The following LRRC4C variants were observed in gnomAD, a reference collection of about 807,000 sequenced individuals.
LRRC4C encodes the protein leucine-rich repeat-containing protein 4C.
Under a neutral mutation model 33.6 loss-of-function variants are expected in LRRC4C, and 5 were observed. That is an observed-to-expected ratio of 0.15 (90% CI 0.08 to 0.31). LRRC4C has a LOEUF of 0.31. Ranked by LOEUF, LRRC4C falls within the 10% of genes least tolerant of loss-of-function variation. The pLI is 1.00. For missense variants in LRRC4C, 560 were observed against 796.7 expected, an observed-to-expected ratio of 0.70 and a Z score of 3.58; for synonymous variants, 329 against 302.0, an observed-to-expected ratio of 1.09 and a Z score of -0.93.
chr11:41,405,450 AG>A (rs1954196394), intron 1 of LRRC4C, among the ~76,000 whole-genome samples: 1 of 152,162 alleles, frequency 6.6e-6, no homozygotes, highest in Non-Finnish European at 1.5e-5. Context: ...CAATCTCTCC[AG>A]GTTACTAAAT....
intron 2 of LRRC4C, among the ~76,000 whole-genome samples, chr11:40,814,801 G>T (rs1951639909): frequency 6.6e-6 from 1 of 151,940 alleles, no homozygotes; most frequent in East Asian, 1.9e-4. Flanking sequence ...CATAGCAAAA[G>T]TGACATTTAC....
chr11:40,905,817 C>A (rs141145832), intron 2 of LRRC4C, among the ~76,000 whole-genome samples: 104 of 152,244 alleles, frequency 6.8e-4, no homozygotes, highest in African/African-American at 2.5e-3. Context: ...AGATGCTGTG[C>A]CTATTGTCCA....
At chr11:40,222,186 A>G (rs1040113905) in intron 5 of LRRC4C, among the ~76,000 whole-genome samples, 2 of 152,168 alleles carry the variant, frequency 1.3e-5, no homozygotes, top group African/African-American at 4.8e-5. Flanking sequence ...CAGGTGATGG[A>G]GCCCCCATGA....
At chr11:40,300,487 G>A (rs1944719588) in intron 4 of LRRC4C, among the ~76,000 whole-genome samples, 1 of 152,214 alleles carries the variant, frequency 6.6e-6, no homozygotes, top group Admixed American at 6.5e-5. Flanking sequence ...AGCTATGGTT[G>A]AAGTGATCAA....
intron 1 of LRRC4C, among the ~76,000 whole-genome samples, chr11:41,086,360 C>A (rs1036075548): frequency 6.6e-6 from 1 of 151,970 alleles, no homozygotes; most frequent in Non-Finnish European, 1.5e-5. Flanking sequence ...TGTTGTATAA[C>A]AAAAGCTGTT....
At chr11:40,915,125 G>A (rs1956888907) in intron 2 of LRRC4C, among the ~76,000 whole-genome samples, 2 of 152,150 alleles carry the variant, frequency 1.3e-5, no homozygotes, top group Non-Finnish European at 1.5e-5. Flanking sequence ...ACTGCCCAAG[G>A]TAATTTATAG....
At chr11:41,007,846 TTACAG>T (rs1854878291) in intron 1 of LRRC4C, among the ~76,000 whole-genome samples, 1 of 152,130 alleles carries the variant, frequency 6.6e-6, no homozygotes, top group Non-Finnish European at 1.5e-5. Flanking sequence ...AATACAGCTA[TTACAG>T]AATGCTTAGT....
chr11:40,530,584 T>C (rs1443824740), intron 3 of LRRC4C, among the ~76,000 whole-genome samples: 1 of 152,166 alleles, frequency 6.6e-6, no homozygotes, highest in East Asian at 1.9e-4. Context: ...TTATTATTGT[T>C]CTCAACTAGG....
intron 1 of LRRC4C, among the ~76,000 whole-genome samples, chr11:41,121,772 A>G (rs892762693): frequency 2.6e-5 from 4 of 152,186 alleles, no homozygotes; most frequent in African/African-American, 9.7e-5. Context: ...GACCCTGAGA[A>G]AAGGAGATGT....
intron 3 of LRRC4C, among the ~76,000 whole-genome samples, chr11:40,343,956 G>T (rs1294194155): frequency 6.6e-6 from 1 of 151,966 alleles, no homozygotes; most frequent in African/African-American, 2.4e-5. Flanking sequence ...CTTGGAAGAA[G>T]TTGAATCCCT....
At chr11:41,423,504 G>A (rs1436684716) in intron 1 of LRRC4C, among the ~76,000 whole-genome samples, 1 of 152,040 alleles carries the variant, frequency 6.6e-6, no homozygotes, top group Non-Finnish European at 1.5e-5. Context: ...TGTGGATGAT[G>A]GGGTGTCATT....
intron 3 of LRRC4C, among the ~76,000 whole-genome samples, chr11:40,367,454 G>C (rs957546526): frequency 6.6e-6 from 1 of 152,042 alleles, no homozygotes; most frequent in Non-Finnish European, 1.5e-5. Context: ...TGCTGCACTA[G>C]TATTTCTTGA....
intron 1 of LRRC4C, among the ~76,000 whole-genome samples, chr11:41,109,357 A>G (rs1220571124): frequency 4.6e-5 from 7 of 152,186 alleles, no homozygotes; most frequent in Admixed American, 3.9e-4. Flanking sequence ...TCACAAATCA[A>G]GCAGTTGATA....
At chr11:40,922,856 C>T (rs1957242350) in intron 2 of LRRC4C, among the ~76,000 whole-genome samples, 1 of 152,124 alleles carries the variant, frequency 6.6e-6, no homozygotes, top group Admixed American at 6.6e-5. Context: ...AGCAGAGTCT[C>T]ATTCTGTTGT....
chr11:40,611,901 G>T (rs2135889391), intron 3 of LRRC4C, among the ~76,000 whole-genome samples: 1 of 151,828 alleles, frequency 6.6e-6, no homozygotes, highest in African/African-American at 2.4e-5. Context: ...ATGAGAATGT[G>T]GAGAAATTGG....
intron 1 of LRRC4C, among the ~76,000 whole-genome samples, chr11:41,357,982 A>G (rs1446607480): frequency 2.0e-5 from 3 of 152,122 alleles, no homozygotes; most frequent in African/African-American, 7.2e-5. Context: ...TTAGAGGACC[A>G]ACCCTACACA....
At chr11:40,660,998 G>C (rs1943402499) in intron 2 of LRRC4C, among the ~76,000 whole-genome samples, 1 of 152,086 alleles carries the variant, frequency 6.6e-6, no homozygotes, top group Admixed American at 6.5e-5. Context: ...AATGAATAAA[G>C]GGGTTTCTTT....
At chr11:40,314,648 AG>A (rs1449862364) in intron 4 of LRRC4C, among the ~76,000 whole-genome samples, 1 of 152,160 alleles carries the variant, frequency 6.6e-6, no homozygotes, top group Non-Finnish European at 1.5e-5. Flanking sequence ...GATTCAACTC[AG>A]GTGTCCAAAA....
chr11:40,760,802 C>T (rs202158522), intron 2 of LRRC4C, among the ~76,000 whole-genome samples: 1,423 of 91,056 alleles, frequency 0.016, 18 homozygotes, highest in South Asian at 0.055. Context: ...TATATATATA[C>T]ACACACACAC....
Sources: allele counts gnomAD v4.1 joint callset (sites outside exome capture counted in the v4.1 genomes callset), GRCh38; gene constraint gnomAD v4.1.1; transcripts MANE v1.5; gene names NCBI Gene and HGNC (gene_info 2026-07-23, HGNC 2026-07-21).